The following KLK8 variants were observed in gnomAD, a reference collection of about 807,000 sequenced individuals.
KLK8 encodes the protein kallikrein-8.
In KLK8, 18 loss-of-function variants were observed where a neutral mutation model predicts 26.7. The ratio of observed to expected loss-of-function variants is 0.67; its 90% CI spans 0.47 to 1.00. The LOEUF (loss-of-function observed/expected upper bound fraction) is 1.00. Ranked by LOEUF, KLK8 falls within the 50% of genes least tolerant of loss-of-function variation. The pLI is 0.00. For missense variants in KLK8, 301 were observed against 331.7 expected, an observed-to-expected ratio of 0.91 and a Z score of 0.72; for synonymous variants, 137 against 127.1, an observed-to-expected ratio of 1.08 and a Z score of -0.52.
chr19:51,001,223 A>G (rs2091222709), intron 2 of KLK8, 48 bp from the exon 2 acceptor site: 2 of 1,540,124 alleles, frequency 1.3e-6, no homozygotes, highest in Non-Finnish European at 1.8e-6. Context: ...GAGGAGCCTG[A>G]GCTCCCAGTT....
intron 5 of KLK8, 21 bp from the exon 5 acceptor site, chr19:50,997,905 A>AGGTT: frequency 6.2e-7 from 1 of 1,613,362 alleles, no homozygotes. Context: ...AGAGGTTGTA[A>AGGTT]GGTTCCCTGA....
At chr19:51,001,309 G>A in intron 2 of KLK8, 134 bp from the exon 2 acceptor site, 1 of 706,060 alleles carries the variant, frequency 1.4e-6, no homozygotes. Context: ...GGAGGAGGCT[G>A]GGGGACTGGA....
rs56344446 is a variant in KLK8, at chr19:50,998,835, T to C, written c.494-951A>G. On this transcript the variant is annotated intron_variant, in intron 5 of 6. Transcript: ENST00000600767. Reference sequence around the variant, plus strand: ...AACTGATGTAACCTGAACCCTCACGTAGCTAAAAAATCTATTGGTTAATGA... The same window carrying C: ...AACTGATGTAACCTGAACCCTCACGCAGCTAAAAAATCTATTGGTTAATGA... The C allele has an allele frequency of 3.3e-5, 5 of 152,308 alleles. No homozygotes were observed. The East Asian group carries it at 9.6e-4, about 29-fold the overall frequency. 9.4% of individuals were successfully genotyped at this position (152,308 alleles called of 1,614,324 possible). A position where few individuals can be genotyped will look rare whatever the true frequency, so the allele number is the denominator to read the frequency against.
chr19:50,997,928 T>G, intron 5 of KLK8, 44 bp from the exon 5 acceptor site: 2 of 1,610,512 alleles, frequency 1.2e-6, no homozygotes, highest in East Asian at 4.5e-5. Flanking sequence ...GAGCAGCCCT[T>G]TGCCTCCATC....
exon 4 of KLK8, chr19:51,000,560 T>G (rs1410760814): frequency 9.3e-6 from 15 of 1,613,842 alleles, no homozygotes; most frequent in Non-Finnish European, 1.2e-5. Context: ...CCCAGCACCT[T>G]GTCCTCCTGT....
intron 6 of KLK8, among the ~76,000 whole-genome samples, chr19:50,996,718 C>T (rs370442719): frequency 1.5e-4 from 20 of 137,274 alleles, no homozygotes; most frequent in African/African-American, 3.2e-4. Context: ...GGGGACAGAG[C>T]GAGACCCTGT....
At chr19:51,001,394 C>G (rs777620415) in intron 2 of KLK8, 138 bp downstream of exon 1, 1 of 551,400 alleles carries the variant, frequency 1.8e-6, no homozygotes, top group Non-Finnish European at 3.2e-6. Flanking sequence ...GCTGGGACTC[C>G]TAAATTAGGG....
intron 5 of KLK8, 51 bp downstream of exon 4, chr19:50,999,945 C>A: frequency 6.5e-7 from 1 of 1,536,986 alleles, no homozygotes; most frequent in Non-Finnish European, 8.8e-7. Flanking sequence ...TTGGGTTCCA[C>A]TGGGCCAACC....
At chr19:51,001,153 T>G (rs751810849) in exon 3 of KLK8, 2 of 1,613,054 alleles carry the variant, frequency 1.2e-6, no homozygotes, top group East Asian at 2.2e-5. Context: ...CCGCACGAGG[T>G]CGGGGGCGTC....
intron 5 of KLK8, 113 bp downstream of exon 4, chr19:50,999,883 G>C (rs934045095): frequency 1.3e-5 from 15 of 1,127,214 alleles, no homozygotes; most frequent in East Asian, 2.5e-5. Flanking sequence ...TCAACATCAT[G>C]ATCACTTTCC....
chr19:50,999,186 G>A (rs912180923), intron 5 of KLK8: 5 of 152,186 alleles, frequency 3.3e-5, no homozygotes, highest in African/African-American at 9.7e-5. Context: ...GGGGTCCAGA[G>A]TCAAGAGGGA....
chr19:51,001,496 G>A (rs1032116063), intron 2 of KLK8, 36 bp downstream of exon 1: 3 of 325,924 alleles, frequency 9.2e-6, no homozygotes, highest in South Asian at 3.9e-5. Flanking sequence ...AGGGTCCGGG[G>A]CCTGATGTCT....
intron 5 of KLK8, 136 bp from the exon 5 acceptor site, chr19:50,998,020 G>A (rs2091186711): frequency 9.7e-7 from 1 of 1,029,846 alleles, no homozygotes; most frequent in Non-Finnish European, 1.4e-6. Flanking sequence ...CTGACACTGT[G>A]CACAGGGGAC....
intron 4 of KLK8, 56 bp from the exon 4 acceptor site, chr19:51,000,314 C>T: frequency 6.5e-7 from 1 of 1,543,124 alleles, no homozygotes; most frequent in Non-Finnish European, 8.8e-7. Context: ...CCAGCCCCCT[C>T]CTCCTTCAGA....
intron 5 of KLK8, among the ~76,000 whole-genome samples, chr19:50,999,583 CAAAAAAAAAAAAAAAAAAAAAAAAAA>C (rs56988162): frequency 0.26 from 7,793 of 30,504 alleles, 460 homozygotes; most frequent in Middle Eastern, 0.41. Flanking sequence ...TGTCCCCCTG[CAAAAAAAAAAAAAAAAAAAAAAAAAA>C]AAAAAAAAAA....
At chr19:51,000,764 G>C in intron 3 of KLK8, 181 bp from the exon 3 acceptor site, 1 of 1,506,190 alleles carries the variant, frequency 6.6e-7, no homozygotes, top group Non-Finnish European at 8.9e-7. Context: ...CATCATACAA[G>C]AGTCACACAC....
In KLK8 at chr19:50,996,215, C is replaced by G; in HGVS notation, c.628-1G>C. ...ACACCAGGGGGCCTCCAGAATCGCCCTAGACAGGGAGAATGAGAACAGCCT... is the reference window on the plus strand; with the variant it reads ...ACACCAGGGGGCCTCCAGAATCGCCGTAGACAGGGAGAATGAGAACAGCCT... On this transcript the variant is annotated splice_acceptor_variant, in intron 6 of 6. Transcript: ENST00000600767. LOFTEE classifies it high-confidence loss of function. 1 of 1,613,566 alleles carries G rather than the reference C, an allele frequency of 6.2e-7. No homozygotes were observed. Among genetic ancestry groups the G allele is most frequent in the Non-Finnish European group, 8.5e-7 (1 of 1,179,622 alleles).
chr19:50,996,927 C>T (rs2091175157), intron 6 of KLK8, among the ~76,000 whole-genome samples: 1 of 150,706 alleles, frequency 6.6e-6, no homozygotes, highest in African/African-American at 2.5e-5. Flanking sequence ...CACACACACA[C>T]ACACACACAC....
chr19:50,996,612 A>T (rs2122308319), intron 6 of KLK8, among the ~76,000 whole-genome samples: 1 of 152,014 alleles, frequency 6.6e-6, no homozygotes, highest in East Asian at 1.9e-4. Context: ...GCACACCTGT[A>T]ATCACAGCTA....
Sources: gnomAD v4.1 joint callset for allele counts (sites outside exome capture counted in the v4.1 genomes callset) on GRCh38, gnomAD v4.1.1 for gene constraint, MANE v1.5 for transcripts, NCBI Gene and HGNC (gene_info 2026-07-23, HGNC 2026-07-21) for gene names.